The following POMT2 variants were observed in gnomAD, a reference collection of about 807,000 sequenced individuals.
POMT2 encodes protein O-mannosyltransferase 2.
POMT2 carries 75 observed loss-of-function variants against 100.0 expected under a neutral mutation model. The ratio of observed to expected loss-of-function variants is 0.75; its 90% CI spans 0.62 to 0.91. POMT2 has a LOEUF of 0.91. Ranked by LOEUF, POMT2 falls within the 40% of genes least tolerant of loss-of-function variation. The pLI, the probability that POMT2 is intolerant of heterozygous loss-of-function variation, is 0.00. For missense variants in POMT2, 940 were observed against 955.1 expected (o/e 0.98, Z 0.21); for synonymous variants, 378 against 374.1 (o/e 1.01, Z -0.12).
chr14:77,302,864 G>A lies in POMT2; in HGVS notation c.627C>T (p.Ser209=). The part of the protein sequence containing the change: ...LMFFIMAAML[S]MVKYNSCADR... ...CGGCGCAAGAGTTGTACTTGACCAT[G>A]CTCAGCATGGCAGCCATGATGAAGA... Residue 209 remains serine (S), a synonymous_variant, in exon 5 of 21, where the codon AGC becomes AGT. Transcript: ENST00000261534. 6.2e-7 allele frequency: 1 copy of A among 1,613,378 alleles called. No individual in the cohort carries two copies. Among genetic ancestry groups the A allele is most frequent in the East Asian group, 2.2e-5 (1 of 44,866 alleles).
chr14:77,310,406 C>G (rs776883920), intron 2 of POMT2, among the ~76,000 whole-genome samples: 2 of 152,136 alleles, frequency 1.3e-5, no homozygotes, highest in Non-Finnish European at 2.9e-5. Context: ...TGAGATAATG[C>G]CTCTAAGGTG....
Position 77,296,153 on chromosome 14 carries a change from G to A in POMT2, c.1116+11C>T, listed in dbSNP as rs1279754770. 5.7e-6 allele frequency: 9 copies of A among 1,583,218 alleles called. No homozygotes were observed. Among genetic ancestry groups the A allele is most frequent in the Admixed American group, 1.8e-5 (1 of 55,890 alleles). On this transcript the variant is annotated intron_variant, in intron 9 of 20. Transcript: ENST00000261534. Reference sequence around the variant, plus strand: ...ATTGCTGCCGTACAAGTGCACAAAAGGCTCACTGACCTGCTGCTGACGGGC... The same window carrying A: ...ATTGCTGCCGTACAAGTGCACAAAAAGCTCACTGACCTGCTGCTGACGGGC...
chr14:77,304,898 T>G (rs920811274), intron 3 of POMT2, 98 bp from the exon 4 acceptor site: 5 of 1,532,084 alleles, frequency 3.3e-6, no homozygotes, highest in Non-Finnish European at 4.4e-6. Context: ...GGGGACCTGA[T>G]GAAGGCATGA....
chr14:77,277,272 C>CG lies in POMT2; in HGVS notation c.*103dup. The stretch of plus-strand genomic sequence containing the variant: ...GGTCCTGGTGAGCAGCAGAATTCTT[C>CG]GGGCTCCTTAGGCAGCTTCCTCATG... On this transcript the variant is annotated 3_prime_UTR_variant, in exon 21 of 21. Transcript: ENST00000261534. The CG allele has an allele frequency of 1.0e-6, 1 of 974,628 alleles. No homozygotes were observed. Among genetic ancestry groups the CG allele is most frequent in the South Asian group, 1.4e-5 (1 of 73,524 alleles). The allele number at this position is 974,628 out of a possible 1,614,324, so 60.4% of individuals were successfully genotyped here. A position where few individuals can be genotyped will look rare whatever the true frequency, so the allele number is the denominator to read the frequency against.
At chr14:77,300,955 T>TG (rs1294990832) in intron 6 of POMT2, 135 bp downstream of exon 6, 7 of 1,564,598 alleles carry the variant, frequency 4.5e-6, no homozygotes, top group South Asian at 1.1e-5. Context: ...CTGCGGAGGT[T>TG]GGGGGGTCCA....
chr14:77,288,033 G>C (rs1003602834), intron 11 of POMT2, among the ~76,000 whole-genome samples: 1 of 152,164 alleles, frequency 6.6e-6, no homozygotes, highest in African/African-American at 2.4e-5. Flanking sequence ...CAAGCCTTTG[G>C]GGGTTCCAAA....
intron 3 of POMT2, among the ~76,000 whole-genome samples, chr14:77,305,200 C>A (rs1891183132): frequency 6.6e-6 from 1 of 152,190 alleles, no homozygotes. Flanking sequence ...TTGAGAAAGA[C>A]CCCTCTGAAG....
intron 3 of POMT2, 77 bp downstream of exon 3, chr14:77,306,260 G>C (rs549341255): frequency 6.3e-7 from 1 of 1,593,098 alleles, no homozygotes; most frequent in Admixed American, 1.7e-5. Flanking sequence ...CACCACGCCA[G>C]GGCTGCTAAC....
Position 77,296,161 on chromosome 14 carries a change from G to T in POMT2, c.1116+3C>A. ...CGTACAAGTGCACAAAAGGCTCACT[G>T]ACCTGCTGCTGACGGGCACCAATGC... On this transcript the variant is annotated splice_donor_region_variant and intron_variant, in intron 9 of 20. Coordinates refer to ENST00000261534, the MANE Select transcript of POMT2 (RefSeq NM_013382.7). 6.3e-7 allele frequency: 1 copy of T among 1,594,376 alleles called. No individual in the cohort carries two copies. The highest frequency in any genetic ancestry group is 1.1e-5 in the South Asian group (1 of 87,430).
At chr14:77,310,514 C>G (rs970846787) in intron 2 of POMT2, among the ~76,000 whole-genome samples, 2 of 152,124 alleles carry the variant, frequency 1.3e-5, no homozygotes, top group African/African-American at 4.8e-5. Flanking sequence ...TTTTCTTGGG[C>G]TCAGAGCCAA....
At chr14:77,291,217 G>A (rs1202633276) in intron 10 of POMT2, 97 bp downstream of exon 10, 5 of 1,192,420 alleles carry the variant, frequency 4.2e-6, no homozygotes, top group Non-Finnish European at 6.1e-6. Context: ...GCTCAGCAAA[G>A]CCCATCTCAG....
chr14:77,307,642 C>T (rs1891270598), intron 2 of POMT2, among the ~76,000 whole-genome samples: 2 of 152,124 alleles, frequency 1.3e-5, no homozygotes, highest in Non-Finnish European at 2.9e-5. Flanking sequence ...TGTACAGATG[C>T]TTTGGATCTC....
intron 8 of POMT2, among the ~76,000 whole-genome samples, chr14:77,297,940 C>T (rs1003743224): frequency 1.1e-4 from 16 of 152,212 alleles, no homozygotes; most frequent in Non-Finnish European, 7.3e-5. Context: ...TAGGTCTCCA[C>T]GGCCTGTTTT....
chr14:77,287,546 A>ATG (rs1890477507), intron 11 of POMT2: 1 of 90,352 alleles, frequency 1.1e-5, no homozygotes. Context: ...CTCTCTCTCT[A>ATG]TATATATATA....
At position 77,304,675 on chromosome 14, in the gene POMT2, T is replaced by C. The variant is rs1485846490; in HGVS notation, c.547+17A>G. 5.7e-6 allele frequency: 9 copies of C among 1,569,042 alleles called. No individual in the cohort carries two copies. The highest frequency in any genetic ancestry group is 7.8e-6 in the Non-Finnish European group (9 of 1,157,286). On this transcript the variant is annotated intron_variant, in intron 4 of 20. Transcript: ENST00000261534. Reference sequence around the variant, plus strand: ...AGCCCATTTCCCAAAAGCCATGGTATGGCTAAGACAACTTACCAAAGGTGA... The same window carrying C: ...AGCCCATTTCCCAAAAGCCATGGTACGGCTAAGACAACTTACCAAAGGTGA...
Position 77,291,352 on chromosome 14 carries a change from T to C in POMT2, c.1145A>G (p.Asn382Ser), listed in dbSNP as rs765039242. Reference protein sequence around the residue: ...QVTTYLHKDYNNLWIIKKHNT... With the variant: ...QVTTYLHKDYSNLWIIKKHNT... The stretch of plus-strand genomic sequence containing the variant: ...ATGTTTCTTGATAATCCACAGGTTG[T>C]TGTAGTCCTTGTGCAAATAGGTGGT... Residue 382 changes from asparagine (N) to serine (S), a missense_variant, in exon 10 of 21, where the codon AAC becomes AGC. Coordinates refer to ENST00000261534, the MANE Select transcript of POMT2 (RefSeq NM_013382.7). 3 of 1,432,926 alleles carry C rather than the reference T, an allele frequency of 2.1e-6. No individual in the cohort carries two copies. Among genetic ancestry groups the C allele is most frequent in the Admixed American group, 2.0e-5 (1 of 49,920 alleles). The allele number at this position is 1,432,926 out of a possible 1,614,324, so 88.8% of individuals were successfully genotyped here.
chr14:77,316,795 G>C (rs1180900675), intron 1 of POMT2, among the ~76,000 whole-genome samples: 1 of 152,188 alleles, frequency 6.6e-6, no homozygotes, highest in East Asian at 1.9e-4. Context: ...CCACCAAGCA[G>C]CAGCAGGCAC....
rs748214825 is a variant in POMT2, at chr14:77,277,359, G to C, written c.*17C>G. 2 of 1,590,952 alleles carry C rather than the reference G, an allele frequency of 1.3e-6. No homozygotes were observed. The highest frequency in any genetic ancestry group is 1.7e-5 in the Admixed American group (1 of 59,952). ...CTGGGAAGTTCCTGGACCCAGGCTGGAATCTTTGCAGTGGCCTCAAAAGTC... is the reference window on the plus strand; with the variant it reads ...CTGGGAAGTTCCTGGACCCAGGCTGCAATCTTTGCAGTGGCCTCAAAAGTC... On this transcript the variant is annotated 3_prime_UTR_variant, in exon 21 of 21. Transcript: ENST00000261534.
At chr14:77,282,029 G>T (rs1228472559) in intron 15 of POMT2, among the ~76,000 whole-genome samples, 2 of 152,170 alleles carry the variant, frequency 1.3e-5, no homozygotes, top group Admixed American at 1.3e-4. Context: ...GACACAAAGG[G>T]GACAGCTGCA....
Sources: allele counts gnomAD v4.1 joint callset (sites outside exome capture counted in the v4.1 genomes callset), GRCh38; gene constraint gnomAD v4.1.1; transcripts MANE v1.5; gene names NCBI Gene and HGNC (gene_info 2026-07-23, HGNC 2026-07-21).